Variants in PRPF6 observed in about 807,000 individuals in gnomAD.
PRPF6 encodes the protein pre-mRNA processing factor 6.
Under a neutral mutation model 118.3 loss-of-function variants are expected in PRPF6, and 42 were observed. That is an observed-to-expected ratio of 0.35 (90% CI 0.28 to 0.46). The LOEUF (loss-of-function observed/expected upper bound fraction) is 0.46, where lower values mean the gene tolerates loss of function less well. Ranked by LOEUF, PRPF6 falls within the 20% of genes least tolerant of loss-of-function variation. The pLI, the probability that PRPF6 is intolerant of heterozygous loss-of-function variation, is 1.00. For synonymous variants in PRPF6, 481 were observed against 485.1 expected, an observed-to-expected ratio of 0.99 and a Z score of 0.11; for missense variants, 662 against 1,255.7, an observed-to-expected ratio of 0.53 and a Z score of 7.15.
Position 64,002,460 on chromosome 20 carries a change from C to T in PRPF6, c.1186+1221C>T, listed in dbSNP as rs373948932. 7.4e-5 allele frequency among the ~76,000 whole-genome samples: 11 copies of T among 149,606 alleles called. No homozygotes were observed. In the East Asian group the frequency reaches 2.2e-3, roughly 30 times the overall value. Reference sequence around the variant, plus strand: ...AAGTGATTCTCCTGCCTCAGCCTCCCGAGTAGCCGGGATTACAGGTGTGCG... The same window carrying T: ...AAGTGATTCTCCTGCCTCAGCCTCCTGAGTAGCCGGGATTACAGGTGTGCG... On this transcript the variant is annotated intron_variant, in intron 9 of 20. Transcript: ENST00000266079.
At position 64,024,552 on chromosome 20, in the gene PRPF6, C is replaced by T; in HGVS notation, c.1770-3C>T. On this transcript the variant is annotated splice_polypyrimidine_tract_variant and splice_region_variant and intron_variant, in intron 13 of 20. Transcript: ENST00000266079. ...CTGGTGACCGTGGCCTCTTATCTTG[C>T]AGGGAGTCCCTGGAAGCACTCCTGC... 2 of 1,613,350 alleles carry T rather than the reference C, an allele frequency of 1.2e-6. No homozygotes were observed. The highest frequency in any genetic ancestry group is 1.7e-6 in the Non-Finnish European group (2 of 1,180,010).
At chr20:64,032,698 C>CGGTGCAGG in intron 20 of PRPF6, 143 bp from the exon 21 acceptor site, 2 of 1,051,124 alleles carry the variant, frequency 1.9e-6, no homozygotes, top group Non-Finnish European at 2.8e-6. Flanking sequence ...CCTTGCCTTC[C>CGGTGCAGG]GGTGCAGGGC....
chr20:64,022,050 T>C (rs1207355418), intron 12 of PRPF6, among the ~76,000 whole-genome samples: 6 of 151,930 alleles, frequency 3.9e-5, no homozygotes, highest in Admixed American at 3.9e-4. Context: ...GCCACAGCCC[T>C]GTGTGTGCAT....
chr20:64,015,842 TA>T (rs1342869895), intron 11 of PRPF6, among the ~76,000 whole-genome samples: 3 of 152,114 alleles, frequency 2.0e-5, no homozygotes, highest in African/African-American at 4.8e-5. Context: ...AAAATAAGAA[TA>T]GGGGCTGGGT....
In PRPF6 at chr20:64,032,973, C is replaced by T. The variant is rs550433087; in HGVS notation, c.2806C>T (p.Arg936Cys). The T allele has an allele frequency of 4.3e-5, 69 of 1,613,336 alleles. No homozygotes were observed. In the East Asian group the frequency reaches 1.0e-3, roughly 24 times the overall value. Residue 936 changes from arginine (R) to cysteine (C), a missense_variant, in exon 21 of 21, where the codon CGC (arginine) becomes TGC (cysteine). By Grantham distance (180) the Arg-to-Cys change is radical (BLOSUM62 -3). Around this residue, in one of 10 missense-constraint regions of PRPF6, gnomAD observed 244 missense variants for 383.7 expected, o/e 0.64. Coordinates refer to ENST00000266079, the MANE Select transcript of PRPF6 (RefSeq NM_012469.4). ...GGACATCCTTAGGCTGGTGGCCGGCCGCATCAAGAACACCTTCTGATTGAG... is the reference window on the plus strand; with the variant it reads ...GGACATCCTTAGGCTGGTGGCCGGCTGCATCAAGAACACCTTCTGATTGAG... ...IGDILRLVAG[R>C]IKNTF
Position 63,985,233 on chromosome 20 carries a change from C to G in PRPF6, c.359+208C>G, listed in dbSNP as rs139316075. Among the ~76,000 whole-genome samples, 30 of 152,088 alleles carry G rather than the reference C, an allele frequency of 2.0e-4. No individual in the cohort carries two copies. In the East Asian group the frequency reaches 4.3e-3, roughly 22 times the overall value. The stretch of plus-strand genomic sequence containing the variant: ...TTAAAAATTAGCCAGATGGTACACA[C>G]CTGTAGTCCCAGCTACTTGGGTGGC... On this transcript the variant is annotated intron_variant, in intron 3 of 20. Transcript: ENST00000266079.
rs764320124 is a variant in PRPF6 at position 64,026,097 on chromosome 20, A to G, written c.2028+39A>G. ...GGCAGGGCTGGGCCGTCTGGGGTGC[A>G]TGGTGTGCACATGCGGGCCCCACGC... On this transcript the variant is annotated intron_variant, in intron 15 of 20. Transcript: ENST00000266079. This position sits in a 1 kb window ranked among gnomAD's most constrained non-coding sequence, Gnocchi z 4.4. 8 of 1,597,548 alleles carry G rather than the reference A, an allele frequency of 5.0e-6. No individual in the cohort carries two copies. The highest frequency in any genetic ancestry group is 2.2e-5 in the East Asian group (1 of 44,880).
intron 9 of PRPF6, among the ~76,000 whole-genome samples, chr20:64,009,608 A>G (rs2059206401): frequency 1.3e-5 from 2 of 152,200 alleles, no homozygotes; most frequent in Non-Finnish European, 1.5e-5. Context: ...CTGTAGTCCC[A>G]GCTACCTTAG....
chr20:63,986,218 G>T (rs567988390), intron 3 of PRPF6, among the ~76,000 whole-genome samples: 2 of 151,430 alleles, frequency 1.3e-5, no homozygotes, highest in Non-Finnish European at 2.9e-5. Context: ...GGTGGTGTAC[G>T]CCTATAATCC....
At chr20:64,032,084 G>A in intron 20 of PRPF6, 40 bp downstream of exon 20, 8 of 1,612,782 alleles carry the variant, frequency 5.0e-6, no homozygotes, top group Non-Finnish European at 6.8e-6. Context: ...TGCCTTCTGG[G>A]ACTGTGGCGG....
In PRPF6 at chr20:63,995,578, T is replaced by TCTCCTCCTTCTC. The variant is rs1286791918; in HGVS notation, c.771+105_771+116dup. Reference sequence around the variant, plus strand: ...TCCTTCTTCTTCTTCTCCTTTTTCTTCTCCTCCTTCTCCTCCTCCTCCTTC... The same window carrying TCTCCTCCTTCTC: ...TCCTTCTTCTTCTTCTCCTTTTTCTTCTCCTCCTTCTCCTCCTCCTTCTCCTCCTCCTCCTTC... On this transcript the variant is annotated intron_variant, in intron 6 of 20. Coordinates refer to ENST00000266079, the MANE Select transcript of PRPF6 (RefSeq NM_012469.4). The TCTCCTCCTTCTC allele has an allele frequency of 3.8e-6, 5 of 1,318,716 alleles. No individual in the cohort carries two copies. The Admixed American group carries it at 7.6e-5, about 20-fold the overall frequency. The allele number at this position is 1,318,716 out of a possible 1,614,324, so 81.7% of individuals were successfully genotyped here. A position where few individuals can be genotyped will look rare whatever the true frequency, so the allele number is the denominator to read the frequency against.
chr20:63,995,004 A>G lies in PRPF6; in HGVS notation c.527A>G (p.Tyr176Cys), dbSNP rs758309604. 23 of 1,614,090 alleles carry G rather than the reference A, an allele frequency of 1.4e-5. No homozygotes were observed. Among genetic ancestry groups the G allele is most frequent in the East Asian group, 8.9e-5 (4 of 44,898 alleles). ...AATAAACGTCAGCGGAACCCACGCT[A>G]TGAGAAGCTGACCCCTGTTCCTGAC... is the stretch of plus-strand genomic sequence containing the variant. The part of the protein sequence containing the change: ...ARNKRQRNPR[Y>C]EKLTPVPDSF... The change falls in exon 5 of 21, where the codon TAT (tyrosine) becomes TGT (cysteine). Residue 176 changes from tyrosine to cysteine, a missense_variant. Tyr to Cys is a radical substitution (Grantham distance 194). Transcript: ENST00000266079.
intron 3 of PRPF6, among the ~76,000 whole-genome samples, chr20:63,992,159 C>T (rs2059121610): frequency 6.6e-6 from 1 of 152,132 alleles, no homozygotes; most frequent in Admixed American, 6.6e-5. Flanking sequence ...TAGATTGGCT[C>T]ACTGCAACCT....
At chr20:64,003,603 T>TGAGACAGAGTCTCGCTCTGTCG (rs1317329327) in intron 9 of PRPF6, among the ~76,000 whole-genome samples, 9 of 151,880 alleles carry the variant, frequency 5.9e-5, no homozygotes, top group African/African-American at 1.9e-4. Flanking sequence ...CCTCTTTTAT[T>TGAGACAGAGTCTCGCTCTGTCG]TTTTTTTATT....
At chr20:64,012,945 C>G (rs1348237228) in intron 11 of PRPF6, among the ~76,000 whole-genome samples, 2 of 151,424 alleles carry the variant, frequency 1.3e-5, no homozygotes, top group African/African-American at 2.4e-5. Context: ...CTCTTCCCCT[C>G]TCCCCCACAC....
intron 9 of PRPF6, among the ~76,000 whole-genome samples, chr20:64,005,926 G>C (rs1019121927): frequency 6.6e-6 from 1 of 151,998 alleles, no homozygotes; most frequent in African/African-American, 2.4e-5. Context: ...AAAGAGACGA[G>C]GTCTCCCTGT....
intron 11 of PRPF6, 100 bp from the exon 12 acceptor site, chr20:64,016,623 T>C (rs2059239571): frequency 6.7e-6 from 10 of 1,487,658 alleles, no homozygotes; most frequent in Non-Finnish European, 8.3e-6. Flanking sequence ...CTTGTGCTGA[T>C]GTCTGTCAGT....
At chr20:63,994,574 G>GT (rs2059133154) in intron 4 of PRPF6, among the ~76,000 whole-genome samples, 2 of 152,318 alleles carry the variant, frequency 1.3e-5, no homozygotes, top group South Asian at 4.1e-4. Context: ...GAGCCCAGGA[G>GT]TTTGAGACCA....
chr20:64,013,910 T>G (rs1202201177), intron 11 of PRPF6, among the ~76,000 whole-genome samples: 1 of 152,150 alleles, frequency 6.6e-6, no homozygotes, highest in Non-Finnish European at 1.5e-5. Flanking sequence ...CTCCCCATTT[T>G]CATACCTCTG....
Sources: allele counts gnomAD v4.1 joint callset (sites outside exome capture counted in the v4.1 genomes callset), GRCh38; gene constraint gnomAD v4.1.1; regional missense constraint gnomAD v4.1.1; non-coding constraint Gnocchi (gnomAD v3.1); transcripts MANE v1.5; gene names NCBI Gene and HGNC (gene_info 2026-07-23, HGNC 2026-07-21).